Variants in STON2 observed in about 807,000 individuals in gnomAD.
The protein encoded by STON2 is stonin-2.
Under a neutral mutation model 65.7 loss-of-function variants are expected in STON2, and 29 were observed. That is an observed-to-expected ratio of 0.44 (90% CI 0.33 to 0.60). STON2 has a LOEUF of 0.60. Ranked by LOEUF, STON2 falls within the 20% of genes least tolerant of loss-of-function variation. STON2 has a pLI of 0.03. For missense variants in STON2, 1,054 were observed against 1,118.1 expected (o/e 0.94, Z 0.82); for synonymous variants, 404 against 414.2 (o/e 0.98, Z 0.30).
chr14:81,409,585 A>C (rs1278686923), intron 2 of STON2, among the ~76,000 whole-genome samples: 1 of 152,182 alleles, frequency 6.6e-6, no homozygotes, highest in Non-Finnish European at 1.5e-5. Flanking sequence ...TCACTTTTAC[A>C]GTAACCCTGA....
Position 81,262,616 on chromosome 14 carries a change from T to C in STON2, c.*5798A>G, listed in dbSNP as rs1894193563. ...TAGCTTTTGTTACATCCAATGATCA[T>C]TTGCCTCTCTCCAGGCACTACCAAA... On this transcript the variant is annotated 3_prime_UTR_variant, in exon 8 of 8. Transcript: ENST00000614646. The C allele has an allele frequency of 4.1e-6, 4 of 985,438 alleles. No individual in the cohort carries two copies. Among genetic ancestry groups the C allele is most frequent in the Non-Finnish European group, 4.8e-6 (4 of 829,908 alleles). The allele number at this position is 985,438 out of a possible 1,614,324, so 61.0% of individuals were successfully genotyped here.
chr14:81,388,474 G>A (rs1227923296), intron 3 of STON2, among the ~76,000 whole-genome samples: 4 of 152,118 alleles, frequency 2.6e-5, no homozygotes, highest in African/African-American at 7.2e-5. Context: ...TAGCAGCCAG[G>A]TCACTAGGGT....
chr14:81,371,610 G>A (rs528171868), intron 3 of STON2, among the ~76,000 whole-genome samples: 1 of 145,570 alleles, frequency 6.9e-6, no homozygotes, highest in Admixed American at 7.2e-5. Context: ...TAGGAGAATG[G>A]CGTGAACCCA....
Position 81,278,469 on chromosome 14 carries a change from C to T in STON2, c.1013G>A (p.Ser338Asn). Reference protein sequence around the residue: ...GSFKKRDRPKSTLMNFSKVQK... With the variant: ...GSFKKRDRPKNTLMNFSKVQK... ...AACTTTGGAGAAGTTCATCAAAGTGCTCTTGGGACGGTCCCTCTTCTTAAA... is the reference window on the plus strand; with the variant it reads ...AACTTTGGAGAAGTTCATCAAAGTGTTCTTGGGACGGTCCCTCTTCTTAAA... Residue 338 changes from serine (S) to asparagine (N), a missense_variant, in exon 6 of 8, where the codon AGC (serine) becomes AAC (asparagine). Transcript: ENST00000614646. The T allele has an allele frequency of 1.2e-6, 2 of 1,614,218 alleles. No homozygotes were observed. Among genetic ancestry groups the T allele is most frequent in the Non-Finnish European group, 1.7e-6 (2 of 1,180,044 alleles).
Position 81,266,887 on chromosome 14 carries a change from C to T in STON2, c.*1527G>A. The T allele has an allele frequency of 1.0e-6, 1 of 982,802 alleles. No individual in the cohort carries two copies. Among genetic ancestry groups the T allele is most frequent in the East Asian group, 1.1e-4 (1 of 8,800 alleles). 60.9% of individuals were successfully genotyped at this position (982,802 alleles called of 1,614,324 possible). On this transcript the variant is annotated 3_prime_UTR_variant, in exon 8 of 8. Transcript: ENST00000614646. ...ACTTAGAGGGTTGCATTTTAAAAAC[C>T]CAGAATATAGGGTTTCTCATTAATG... is the stretch of plus-strand genomic sequence containing the variant.
intron 2 of STON2, among the ~76,000 whole-genome samples, chr14:81,425,752 A>G (rs1230847762): frequency 6.6e-6 from 1 of 152,196 alleles, no homozygotes. Flanking sequence ...ATGCTTGAGC[A>G]TCTGCGATTC....
rs1237968916 is a variant in STON2 at position 81,268,449 on chromosome 14, C to T, written c.2833G>A (p.Glu945Lys). The change falls in exon 8 of 8, where the codon GAA (glutamate) becomes AAA (lysine). Residue 945 changes from glutamate (E) to lysine (K), a missense_variant. Glu to Lys is a moderately conservative substitution (Grantham distance 56). Coordinates refer to ENST00000614646, the MANE Select transcript of STON2 (RefSeq NM_001394390.1). ...KSLKPDFEGD[E>K]MENPKECGVQ ...CCACACTCCTTGGGATTTTCCATTTCATCTCCTTCAAAGTCCGGCTTCAAA... is the reference window on the plus strand; with the variant it reads ...CCACACTCCTTGGGATTTTCCATTTTATCTCCTTCAAAGTCCGGCTTCAAA... 2.3e-6 allele frequency: 3 copies of T among 1,289,632 alleles called. No individual in the cohort carries two copies. The highest frequency in any genetic ancestry group is 2.5e-5 in the South Asian group (2 of 81,018). 79.9% of individuals were successfully genotyped at this position (1,289,632 alleles called of 1,614,324 possible). A position where few individuals can be genotyped will look rare whatever the true frequency, so the allele number is the denominator to read the frequency against.
chr14:81,302,305 AGTC>A (rs1472723741), intron 5 of STON2, among the ~76,000 whole-genome samples: 2 of 152,268 alleles, frequency 1.3e-5, no homozygotes, highest in Non-Finnish European at 2.9e-5. Flanking sequence ...TAAGAGAGAC[AGTC>A]TAATAAAGAA....
At chr14:81,280,217 T>G (rs1280835117) in intron 5 of STON2, among the ~76,000 whole-genome samples, 1 of 152,176 alleles carries the variant, frequency 6.6e-6, no homozygotes, top group Non-Finnish European at 1.5e-5. Flanking sequence ...TTGGGTTTGA[T>G]GAGGGCAAGA....
chr14:81,264,498 C>T lies in STON2; in HGVS notation c.*3916G>A, dbSNP rs1894281344. 11 of 985,240 alleles carry T rather than the reference C, an allele frequency of 1.1e-5. No individual in the cohort carries two copies. The highest frequency in any genetic ancestry group is 1.2e-5 in the Non-Finnish European group (10 of 829,922). The allele number at this position is 985,240 out of a possible 1,614,324, so 61.0% of individuals were successfully genotyped here. The stretch of plus-strand genomic sequence containing the variant: ...GGCAAGCATTTAAGGTGGCTGAACC[C>T]TATTATATTCCAAGCTTTGTGCTAG... On this transcript the variant is annotated 3_prime_UTR_variant, in exon 8 of 8. Transcript: ENST00000614646.
chr14:81,420,667 T>C (rs968037975), intron 2 of STON2, among the ~76,000 whole-genome samples: 1 of 151,976 alleles, frequency 6.6e-6, no homozygotes, highest in African/African-American at 2.4e-5. Flanking sequence ...TAACAAGTGG[T>C]TGAAAGATGA....
intron 5 of STON2, among the ~76,000 whole-genome samples, chr14:81,289,089 G>C (rs1010123050): frequency 2.6e-5 from 4 of 152,200 alleles, no homozygotes; most frequent in African/African-American, 9.7e-5. Context: ...AACGCAGGAT[G>C]CTTGCAAGAT....
rs552206621 is a variant in STON2 at position 81,269,450 on chromosome 14, C to T, written c.2785-953G>A. ...ATCTTTGAAAGTAATACATCTCAAC[C>T]GAAATCTTTGATAGCTCAGGCAAGG... On this transcript the variant is annotated intron_variant, in intron 7 of 7. Coordinates refer to ENST00000614646, the MANE Select transcript of STON2 (RefSeq NM_001394390.1). 1.2e-4 allele frequency: 120 copies of T among 985,392 alleles called. 1 individual carries two copies. The African/African-American group carries it at 1.8e-3, about 15-fold the overall frequency. The allele number at this position is 985,392 out of a possible 1,614,324, so 61.0% of individuals were successfully genotyped here. A position where few individuals can be genotyped will look rare whatever the true frequency, so the allele number is the denominator to read the frequency against.
intron 2 of STON2, among the ~76,000 whole-genome samples, chr14:81,396,393 G>A (rs557646582): frequency 1.3e-5 from 2 of 152,320 alleles, no homozygotes; most frequent in South Asian, 4.1e-4. Flanking sequence ...TCTCCAGTCA[G>A]TATCCTGGCA....
chr14:81,387,981 A>C (rs996940910), intron 3 of STON2, among the ~76,000 whole-genome samples: 13 of 103,182 alleles, frequency 1.3e-4, no homozygotes, highest in Admixed American at 4.0e-4. Context: ...ATGGAGTCTC[A>C]CTCTGTCACC....
chr14:81,310,139 T>C (rs1033060000), intron 5 of STON2, among the ~76,000 whole-genome samples: 2 of 152,230 alleles, frequency 1.3e-5, no homozygotes, highest in East Asian at 1.9e-4. Flanking sequence ...CTTTATATTA[T>C]GAAAGACAAC....
At chr14:81,430,174 A>C (rs1902169575) in intron 1 of STON2, among the ~76,000 whole-genome samples, 1 of 152,166 alleles carries the variant, frequency 6.6e-6, no homozygotes, top group Admixed American at 6.5e-5. Flanking sequence ...AGCCCAGCAC[A>C]ATCTGGGAAA....
chr14:81,398,327 T>A lies in STON2; in HGVS notation c.56A>T (p.Asn19Ile). 6.2e-7 allele frequency: 1 copy of A among 1,614,040 alleles called. No individual in the cohort carries two copies. Among genetic ancestry groups the A allele is most frequent in the South Asian group, 1.1e-5 (1 of 91,076 alleles). ...GTGGGCAGGAAAGGGTGGCTCTTCA[T>A]TGAAGGAGACCCATTCTGACTGGTG... ...ATHQSEWVSF[N>I]EEPPFPAHSQ... Residue 19 changes from asparagine to isoleucine, a missense_variant, in exon 2 of 8, where the codon AAT becomes ATT. Physicochemically the swap from Asn to Ile is moderately radical, Grantham distance 149 (BLOSUM62 -3). Transcript: ENST00000614646.
At chr14:81,290,147 C>G (rs1895497698) in intron 5 of STON2, among the ~76,000 whole-genome samples, 1 of 152,194 alleles carries the variant, frequency 6.6e-6, no homozygotes, top group Non-Finnish European at 1.5e-5. Context: ...TGGGCACAGA[C>G]CTATGCCTAC....
Sources: allele counts gnomAD v4.1 joint callset (sites outside exome capture counted in the v4.1 genomes callset), GRCh38; gene constraint gnomAD v4.1.1; transcripts MANE v1.5; gene names NCBI Gene and HGNC (gene_info 2026-07-23, HGNC 2026-07-21).